CYREN: variants seen among roughly 807,000 people sequenced by gnomAD.
CYREN encodes cell cycle regulator of non-homologous end joining.
A neutral mutation model predicts 9.7 loss-of-function variants in CYREN; 7 were observed. The observed-to-expected ratio is 0.72, with a 90% confidence interval of 0.41 to 1.36. The LOEUF (loss-of-function observed/expected upper bound fraction) is 1.36, where lower values mean the gene tolerates loss of function less well. Ranked by LOEUF, CYREN falls within the 40% of genes most tolerant of loss-of-function variation. The pLI is 0.01. For missense variants in CYREN, 215 were observed against 198.1 expected, an observed-to-expected ratio of 1.09 and a Z score of -0.51; for synonymous variants, 76 against 77.9, an observed-to-expected ratio of 0.98 and a Z score of 0.13.
At chr7:135,148,642 T>C (rs1489604499) in intron 2 of CYREN, among the ~76,000 whole-genome samples, 2 of 152,170 alleles carry the variant, frequency 1.3e-5, no homozygotes, top group Non-Finnish European at 2.9e-5. Flanking sequence ...CAGAAATAGG[T>C]AAACAAAAGC....
chr7:135,111,607 T>A (rs2348276), intron 2 of CYREN, among the ~76,000 whole-genome samples: 36,135 of 151,656 alleles, frequency 0.24, 5,346 homozygotes, highest in South Asian at 0.42. Flanking sequence ...TCACAATAGC[T>A]ATTGTGAAAT....
chr7:135,096,592 G>GATAGATAC (rs1554516659), intron 2 of CYREN, among the ~76,000 whole-genome samples: 7 of 143,364 alleles, frequency 4.9e-5, no homozygotes, highest in Non-Finnish European at 7.6e-5. Context: ...TACATAGATA[G>GATAGATAC]ATAGATAGAT....
intron 3 of CYREN, chr7:135,167,488 C>T (rs1452925876): frequency 7.2e-7 from 1 of 1,394,520 alleles, no homozygotes; most frequent in African/African-American, 1.5e-5. Context: ...CTCCCTAACA[C>T]ACACACGCCC....
chr7:135,168,551 C>G (rs1005170826), intron 2 of CYREN: 1 of 550,884 alleles, frequency 1.8e-6, no homozygotes, highest in Admixed American at 3.5e-5. Context: ...TCTGTGTGTG[C>G]TGAGGGCAGG....
Position 135,167,738 on chromosome 7 carries a change from C to T in CYREN, c.207G>A (p.Leu69=). 1 of 1,614,122 alleles carries T rather than the reference C, an allele frequency of 6.2e-7. No individual in the cohort carries two copies. The highest frequency in any genetic ancestry group is 1.7e-4 in the Middle Eastern group (1 of 6,026). ...GAGGCTTGTCTGACTTTACCTCAAT[C>T]AGGATTCCCAGAGCAACATCAACTA... ...AEIVDVALGI[L]IESRKQEKAC... The change falls in exon 3 of 4, where the codon CTG becomes CTA. Residue 69 remains leucine, a synonymous_variant. Transcript: ENST00000393114.
At chr7:135,123,343 G>A (rs1183043583) in intron 2 of CYREN, among the ~76,000 whole-genome samples, 1 of 151,974 alleles carries the variant, frequency 6.6e-6, no homozygotes, top group Non-Finnish European at 1.5e-5. Flanking sequence ...CAAGACTAGA[G>A]AAAAAAGAAT....
chr7:135,134,545 GAT>G (rs1290059815), intron 2 of CYREN, among the ~76,000 whole-genome samples: 21 of 151,924 alleles, frequency 1.4e-4, no homozygotes, highest in Non-Finnish European at 2.9e-5. Flanking sequence ...ACTTTAACTA[GAT>G]ATATAGGTAA....
intron 2 of CYREN, among the ~76,000 whole-genome samples, chr7:135,104,391 C>A (rs942339357): frequency 1.3e-5 from 2 of 152,126 alleles, no homozygotes; most frequent in Non-Finnish European, 2.9e-5. Flanking sequence ...AGTGAACATA[C>A]ATATGCATGT....
rs755087429 is a variant in CYREN, at chr7:135,128,903, C to T, written n.357-34321G>A. 5 of 1,458,556 alleles carry T rather than the reference C, an allele frequency of 3.4e-6. No homozygotes were observed. In the Admixed American group the frequency reaches 6.7e-5, roughly 20 times the overall value. 90.4% of individuals were successfully genotyped at this position (1,458,556 alleles called of 1,614,324 possible). A position where few individuals can be genotyped will look rare whatever the true frequency, so the allele number is the denominator to read the frequency against. ...TTGATCAAGCTCAGCAGATAAAATG[C>T]TTTAATAGTAATTTGTTCCTGTGCA... is the stretch of plus-strand genomic sequence containing the variant. On this transcript the variant is annotated intron_variant and non_coding_transcript_variant, in intron 2 of 2. Coordinates refer to the CYREN transcript ENST00000459937.
chr7:135,102,883 AG>A (rs1251202544), intron 2 of CYREN, among the ~76,000 whole-genome samples: 1 of 152,194 alleles, frequency 6.6e-6, no homozygotes, highest in Non-Finnish European at 1.5e-5. Flanking sequence ...CTCCTCAAAT[AG>A]TACTCATAAA....
intron 2 of CYREN, among the ~76,000 whole-genome samples, chr7:135,125,517 G>A (rs1026034438): frequency 1.5e-4 from 23 of 152,250 alleles, no homozygotes; most frequent in Admixed American, 2.0e-4. Context: ...AATTGAAAAG[G>A]AGGGACTCCT....
chr7:135,120,970 G>A (rs368639435), intron 2 of CYREN, among the ~76,000 whole-genome samples: 181 of 152,256 alleles, frequency 1.2e-3, no homozygotes, highest in Non-Finnish European at 1.9e-3. Flanking sequence ...TTGGGAGGCC[G>A]AGGCAGGTGG....
At chr7:135,112,485 C>A (rs1825783162) in intron 2 of CYREN, among the ~76,000 whole-genome samples, 2 of 152,196 alleles carry the variant, frequency 1.3e-5, no homozygotes, top group Admixed American at 1.3e-4. Flanking sequence ...CTTGTGATTT[C>A]CTGAATGTGC....
intron 2 of CYREN, among the ~76,000 whole-genome samples, chr7:135,123,743 A>G (rs1205668018): frequency 6.6e-6 from 1 of 152,208 alleles, no homozygotes; most frequent in Non-Finnish European, 1.5e-5. Context: ...AATATTCAAC[A>G]TTCTTAGAGA....
intron 2 of CYREN, among the ~76,000 whole-genome samples, chr7:135,139,811 C>A (rs1476495294): frequency 6.6e-6 from 1 of 152,088 alleles, no homozygotes; most frequent in African/African-American, 2.4e-5. Context: ...TATTCCAGCA[C>A]CATTTATTGA....
At chr7:135,164,409 T>C, downstream of CYREN, 1 of 1,574,708 alleles carries the variant, frequency 6.4e-7, no homozygotes, top group Non-Finnish European at 8.7e-7. Context: ...TGCTGTGACT[T>C]CCCCGCAGGT....
chr7:135,172,455 G>A (rs569980767), upstream of CYREN, among the ~76,000 whole-genome samples: 8 of 88,738 alleles, frequency 9.0e-5, no homozygotes, highest in South Asian at 1.6e-3. Flanking sequence ...TGGTGTGAGC[G>A]TGGTATTTTG....
At chr7:135,114,842 C>T (rs568837864) in intron 2 of CYREN, among the ~76,000 whole-genome samples, 1 of 152,296 alleles carries the variant, frequency 6.6e-6, no homozygotes, top group Non-Finnish European at 1.5e-5. Context: ...TCAATGCCTT[C>T]CAGTGATTTT....
intron 2 of CYREN, among the ~76,000 whole-genome samples, chr7:135,136,692 A>C (rs1289000431): frequency 1.3e-5 from 2 of 152,078 alleles, no homozygotes; most frequent in African/African-American, 4.8e-5. Flanking sequence ...AAAGATCAGG[A>C]CAAAAGCCTA....
Sources: allele counts gnomAD v4.1 joint callset (sites outside exome capture counted in the v4.1 genomes callset), GRCh38; gene constraint gnomAD v4.1.1; transcripts MANE v1.5; gene names NCBI Gene and HGNC (gene_info 2026-07-23, HGNC 2026-07-21).